STARD9: variants seen among roughly 807,000 people sequenced by gnomAD.
STARD9 encodes the protein stAR-related lipid transfer protein 9.
A neutral mutation model predicts 399.8 loss-of-function variants in STARD9; 346 were observed. The ratio of observed to expected loss-of-function variants is 0.87; its 90% CI spans 0.79 to 0.95. The LOEUF (loss-of-function observed/expected upper bound fraction) is 0.95, where lower values mean the gene tolerates loss of function less well. STARD9 is among the 40% of genes least tolerant of loss of function. The probability of loss-of-function intolerance (pLI) is 0.00; values close to 1 mark genes in which losing one functional copy is unlikely to be tolerated. For missense variants in STARD9, 5,832 were observed against 5,667.5 expected (o/e 1.03, Z -0.93); for synonymous variants, 2,203 against 2,143.5 (o/e 1.03, Z -0.77).
At chr15:42,633,176 C>A (rs959899678) in intron 3 of STARD9, among the ~76,000 whole-genome samples, 1 of 151,646 alleles carries the variant, frequency 6.6e-6, no homozygotes, top group African/African-American at 2.4e-5. Context: ...GGAGTGTAGT[C>A]TTGAGTTAGC....
At chr15:42,602,205 A>G (rs955108993) in intron 3 of STARD9, among the ~76,000 whole-genome samples, 1 of 152,230 alleles carries the variant, frequency 6.6e-6, no homozygotes, top group South Asian at 2.1e-4. Flanking sequence ...TCTTTGTCAG[A>G]CATGGCAATA....
At chr15:42,675,639 A>G in intron 18 of STARD9, 25 bp from the exon 19 acceptor site, 2 of 1,521,108 alleles carry the variant, frequency 1.3e-6, no homozygotes, top group South Asian at 2.4e-5. Context: ...TGTTGATTGA[A>G]TTCTCATTTG....
chr15:42,631,542 T>C (rs2059332152), intron 3 of STARD9, among the ~76,000 whole-genome samples: 1 of 151,874 alleles, frequency 6.6e-6, no homozygotes, highest in Admixed American at 6.6e-5. Context: ...ATGACGCCAT[T>C]GTACTCTAGT....
At chr15:42,585,724 G>GT (rs1488584194) in intron 3 of STARD9, 87 bp downstream of exon 3, 1 of 859,242 alleles carries the variant, frequency 1.2e-6, no homozygotes, top group Non-Finnish European at 1.8e-6. Context: ...ACTTTGCAAG[G>GT]TTAGTATAGC....
chr15:42,627,694 T>C (rs1463812501), intron 3 of STARD9, among the ~76,000 whole-genome samples: 1 of 152,202 alleles, frequency 6.6e-6, no homozygotes, highest in Non-Finnish European at 1.5e-5. Context: ...TGTCTTTCTG[T>C]GCCTGGTTTA....
At chr15:42,706,175 A>C (rs141065362) in intron 26 of STARD9, among the ~76,000 whole-genome samples, 141 of 152,320 alleles carry the variant, frequency 9.3e-4, no homozygotes, top group African/African-American at 3.3e-3. Context: ...TATGCTATAG[A>C]ACTTTCTAAC....
At position 42,669,185 on chromosome 15, in the gene STARD9, C is replaced by G; in HGVS notation, c.1345C>G (p.Gln449Glu). 1 of 1,535,708 alleles carries G rather than the reference C, an allele frequency of 6.5e-7. No homozygotes were observed. Among genetic ancestry groups the G allele is most frequent in the Non-Finnish European group, 8.7e-7 (1 of 1,145,668 alleles). ...AGACCAGCTGACTAAAGACTGGACCCAGAAGTGGAATGATTGGCAGGCCCT... is the reference window on the plus strand; with the variant it reads ...AGACCAGCTGACTAAAGACTGGACCGAGAAGTGGAATGATTGGCAGGCCCT... Reference protein sequence around the residue: ...KIDQLTKDWTQKWNDWQALME... With the variant: ...KIDQLTKDWTEKWNDWQALME... The change falls in exon 16 of 33, where the codon CAG (glutamine) becomes GAG (glutamate). Residue 449 changes from glutamine to glutamate, a missense_variant. Physicochemically the swap from Gln to Glu is conservative, Grantham distance 29. Around this residue, in one of 2 missense-constraint regions of STARD9, gnomAD observed 5,828 missense variants for 5,651.1 expected, o/e 1.03. Coordinates refer to ENST00000290607, the MANE Select transcript of STARD9 (RefSeq NM_020759.3).
chr15:42,580,669 C>T (rs115755581), intron 1 of STARD9, among the ~76,000 whole-genome samples: 1,606 of 152,026 alleles, frequency 0.011, 37 homozygotes, highest in African/African-American at 0.037. Flanking sequence ...ACAAAAAGCC[C>T]GGCGTGGTGG....
At position 42,585,549 on chromosome 15, in the gene STARD9, A is replaced by C; in HGVS notation, c.146A>C (p.Asp49Ala). ...GACAATCGACCAGATGGCTTTGGGG[A>C]CTCCCGGGAGAAGGTTATGGCATTT... ...KVDNRPDGFG[D>A]SREKVMAFGF... Residue 49 changes from aspartate (D) to alanine (A), a missense_variant, in exon 3 of 33, where the codon GAC (aspartate) becomes GCC (alanine). Coordinates refer to ENST00000290607, the MANE Select transcript of STARD9 (RefSeq NM_020759.3). 1.3e-6 allele frequency: 2 copies of C among 1,536,760 alleles called. No homozygotes were observed. The highest frequency in any genetic ancestry group is 8.7e-7 in the Non-Finnish European group (1 of 1,146,672).
In STARD9 at chr15:42,686,882, A is replaced by G; in HGVS notation, c.5304A>G (p.Glu1768=). 6.5e-7 allele frequency: 1 copy of G among 1,537,006 alleles called. No individual in the cohort carries two copies. Among genetic ancestry groups the G allele is most frequent in the Non-Finnish European group, 8.7e-7 (1 of 1,146,888 alleles). ...CCTTAGAGATTCCAGCTTGCAGAGA[A>G]GTAAGGGTACCCTCCCCACCCCCCA... ...ETALEIPACR[E]VRVPSPPPRE... is the part of the protein sequence containing the mutation. The change falls in exon 23 of 33, where the codon GAA becomes GAG. Residue 1768 remains glutamate, a synonymous_variant. Coordinates refer to ENST00000290607, the MANE Select transcript of STARD9 (RefSeq NM_020759.3).
At chr15:42,596,891 C>G (rs2058516697) in intron 3 of STARD9, among the ~76,000 whole-genome samples, 1 of 152,138 alleles carries the variant, frequency 6.6e-6, no homozygotes, top group African/African-American at 2.4e-5. Flanking sequence ...GAAAAGCCTT[C>G]CCTTTCTATA....
chr15:42,682,549 C>T lies in STARD9; in HGVS notation c.2511C>T (p.Cys837=). 1 of 1,536,602 alleles carries T rather than the reference C, an allele frequency of 6.5e-7. No homozygotes were observed. The highest frequency in any genetic ancestry group is 8.7e-7 in the Non-Finnish European group (1 of 1,146,476). ...GTTCTTTGAGCCCCCAAAGACTCTG[C>T]AGCAAGCACATGCCCCAGCTACACA... is the stretch of plus-strand genomic sequence containing the variant. The part of the protein sequence containing the change: ...SCSSLSPQRL[C]SKHMPQLHSI... Residue 837 remains cysteine, a synonymous_variant, in exon 22 of 33, where the codon TGC becomes TGT. Transcript: ENST00000290607.
At chr15:42,672,156 T>G (rs2060215395) in intron 16 of STARD9, 2 of 152,260 alleles carry the variant, frequency 1.3e-5, no homozygotes, top group Admixed American at 1.3e-4. Flanking sequence ...TTGTTGTTTG[T>G]TTGTTGGTTT....
chr15:42,642,188 A>G (rs1026776074), intron 7 of STARD9, among the ~76,000 whole-genome samples: 1 of 152,224 alleles, frequency 6.6e-6, no homozygotes, highest in East Asian at 1.9e-4. Context: ...GAGTACCTAC[A>G]AGATGCCTAT....
chr15:42,645,318 A>T (rs1026476984), intron 7 of STARD9, among the ~76,000 whole-genome samples: 2 of 152,256 alleles, frequency 1.3e-5, no homozygotes, highest in African/African-American at 4.8e-5. Context: ...TCCATTGGCC[A>T]TAGAACAGAT....
chr15:42,719,600 T>C lies in STARD9; in HGVS notation c.*26T>C, dbSNP rs1228860939. The stretch of plus-strand genomic sequence containing the variant: ...CATCTCACCGTCAAGATGGTGCTGC[T>C]GAGATGCAGGCCCAGGCTGCTCAAG... On this transcript the variant is annotated 3_prime_UTR_variant, in exon 33 of 33. Coordinates refer to ENST00000290607, the MANE Select transcript of STARD9 (RefSeq NM_020759.3). 8.5e-6 allele frequency: 12 copies of C among 1,411,014 alleles called. No individual in the cohort carries two copies. Among genetic ancestry groups the C allele is most frequent in the Non-Finnish European group, 1.2e-5 (12 of 1,031,994 alleles). The allele number at this position is 1,411,014 out of a possible 1,614,324, so 87.4% of individuals were successfully genotyped here. A position where few individuals can be genotyped will look rare whatever the true frequency, so the allele number is the denominator to read the frequency against.
chr15:42,623,885 A>G (rs765542712), intron 3 of STARD9, among the ~76,000 whole-genome samples: 3 of 152,358 alleles, frequency 2.0e-5, no homozygotes, highest in Non-Finnish European at 2.9e-5. Context: ...AAAATCTGCA[A>G]TTTATCAGGG....
intron 3 of STARD9, among the ~76,000 whole-genome samples, chr15:42,593,170 T>C (rs917694867): frequency 6.6e-6 from 1 of 152,218 alleles, no homozygotes; most frequent in African/African-American, 2.4e-5. Context: ...GATATTTTTC[T>C]GAGTTGAACT....
chr15:42,604,626 ATTTTTTTTTTTT>A (rs11349330), intron 3 of STARD9, among the ~76,000 whole-genome samples: 49 of 54,752 alleles, frequency 8.9e-4, no homozygotes, highest in Middle Eastern at 0.032. Context: ...GATCAAATTG[ATTTTTTTTTTTT>A]TTTTTTTTTT....
Sources: allele counts gnomAD v4.1 joint callset (sites outside exome capture counted in the v4.1 genomes callset), GRCh38; gene constraint gnomAD v4.1.1; regional missense constraint gnomAD v4.1.1; transcripts MANE v1.5; gene names NCBI Gene and HGNC (gene_info 2026-07-23, HGNC 2026-07-21).